The following CEMIP variants were observed in gnomAD, a reference collection of about 807,000 sequenced individuals.
The protein encoded by CEMIP is cell migration inducing hyaluronidase 1, also known as cell migration-inducing and hyaluronan-binding protein.
A neutral mutation model predicts 156.9 loss-of-function variants in CEMIP; 105 were observed. The observed-to-expected ratio is 0.67, with a 90% CI of 0.57 to 0.79. CEMIP has a LOEUF of 0.79. Ranked by LOEUF, CEMIP falls within the 30% of genes least tolerant of loss-of-function variation. CEMIP has a pLI of 0.00. For missense variants in CEMIP, 1,457 were observed against 1,769.4 expected (o/e 0.82, Z 3.17); for synonymous variants, 676 against 668.4 (o/e 1.01, Z -0.17).
intron 1 of CEMIP, among the ~76,000 whole-genome samples, chr15:80,845,810 TG>T (rs1897539752): frequency 6.6e-6 from 1 of 152,132 alleles, no homozygotes; most frequent in Admixed American, 6.6e-5. Flanking sequence ...CGGAGCTGGA[TG>T]GGATCAGAGA....
intron 12 of CEMIP, chr15:80,897,413 A>C: frequency 2.2e-6 from 1 of 450,916 alleles, no homozygotes; most frequent in Admixed American, 2.4e-5. Flanking sequence ...CTCATGGGGG[A>C]GGCGGACCTA....
intron 13 of CEMIP, among the ~76,000 whole-genome samples, chr15:80,908,161 G>C (rs1175875949): frequency 6.6e-6 from 1 of 152,198 alleles, no homozygotes; most frequent in East Asian, 1.9e-4. Flanking sequence ...ACTGTCCTCA[G>C]TTGAGAAACT....
At chr15:80,791,968 G>T (rs1354862005) in intron 1 of CEMIP, among the ~76,000 whole-genome samples, 3 of 152,158 alleles carry the variant, frequency 2.0e-5, no homozygotes, top group African/African-American at 7.2e-5. Context: ...CTGGTCTGCC[G>T]ATGCCCCCTG....
At position 80,880,912 on chromosome 15, in the gene CEMIP, T is replaced by C. The variant is rs1898630795; in HGVS notation, c.393T>C (p.Gly131=). The change falls in exon 6 of 30, where the codon GGT becomes GGC. Residue 131 remains glycine, a synonymous_variant. Transcript: ENST00000394685. ...TIILYGRADE[G]IQPDPYYGLK... ...TTTTCTCTTGCAGGGCTGATGAAGG[T>C]ATTCAGCCGGATCCTTACTATGGTC... 1 of 1,613,912 alleles carries C rather than the reference T, an allele frequency of 6.2e-7. No individual in the cohort carries two copies. Among genetic ancestry groups the C allele is most frequent in the Non-Finnish European group, 8.5e-7 (1 of 1,179,938 alleles).
intron 14 of CEMIP, among the ~76,000 whole-genome samples, chr15:80,917,675 G>T (rs956523737): frequency 2.0e-5 from 3 of 152,224 alleles, no homozygotes; most frequent in Non-Finnish European, 4.4e-5. Context: ...CAGAGAGCTT[G>T]CCTGGAACAG....
intron 1 of CEMIP, among the ~76,000 whole-genome samples, chr15:80,784,048 G>C (rs1020695904): frequency 6.6e-6 from 1 of 152,180 alleles, no homozygotes; most frequent in Non-Finnish European, 1.5e-5. Flanking sequence ...AAGCAGTCAG[G>C]CCTTCCTTGC....
Position 80,920,330 on chromosome 15 carries a change from G to C in CEMIP, c.2003+31G>C, listed in dbSNP as rs763458056. 7 of 1,590,772 alleles carry C rather than the reference G, an allele frequency of 4.4e-6. No individual in the cohort carries two copies. The African/African-American group carries it at 6.7e-5, about 15-fold the overall frequency. ...TGCCTGGACCCCTCTCTGTGTGCTG[G>C]GGGGAAGGGGTGTACATGTGTGTGC... On this transcript the variant is annotated intron_variant, in intron 15 of 29. Coordinates refer to ENST00000394685, the MANE Select transcript of CEMIP (RefSeq NM_001293298.2).
At chr15:80,806,584 C>T (rs2141615105) in intron 1 of CEMIP, among the ~76,000 whole-genome samples, 1 of 152,274 alleles carries the variant, frequency 6.6e-6, no homozygotes, top group Admixed American at 6.5e-5. Context: ...GTTTTACATA[C>T]CTAGCAGAGG....
chr15:80,872,809 G>T (rs1243112748), intron 1 of CEMIP, among the ~76,000 whole-genome samples: 1 of 152,152 alleles, frequency 6.6e-6, no homozygotes, highest in African/African-American at 2.4e-5. Flanking sequence ...GCAAGACTCT[G>T]TCTTAATAAA....
chr15:80,782,580 C>T (rs775080622), intron 1 of CEMIP, among the ~76,000 whole-genome samples: 23 of 152,172 alleles, frequency 1.5e-4, no homozygotes, highest in Non-Finnish European at 2.9e-4. Context: ...AGTACCCAGT[C>T]TTCCAGTTAG....
intron 1 of CEMIP, among the ~76,000 whole-genome samples, chr15:80,855,671 T>C (rs988357533): frequency 5.3e-5 from 8 of 152,126 alleles, no homozygotes; most frequent in African/African-American, 1.9e-4. Context: ...CATAGGCATA[T>C]GCCACCACAC....
rs993817617 is a variant in CEMIP, at chr15:80,906,798, G to T, written c.1547G>T (p.Cys516Phe). 6.2e-7 allele frequency: 1 copy of T among 1,614,154 alleles called. No individual in the cohort carries two copies. The highest frequency in any genetic ancestry group is 8.5e-7 in the Non-Finnish European group (1 of 1,180,024). The change falls in exon 13 of 30, where the codon TGC (cysteine) becomes TTC (phenylalanine). Residue 516 changes from cysteine (C) to phenylalanine (F), a missense_variant. By Grantham distance (205) the Cys-to-Phe change is radical (BLOSUM62 -2). Transcript: ENST00000394685. The surrounding 1 kb of genome is among the most constrained non-coding windows in gnomAD (Gnocchi z 4.3). ...DKCYPYRNHI[C>F]NFFDFDTFGG... ...TGCTACCCCTACAGAAACCACATCT[G>T]CAATTTCTTTGACTTCGATACCTTT...
chr15:80,854,712 G>T (rs563861162), intron 1 of CEMIP, among the ~76,000 whole-genome samples: 1 of 152,268 alleles, frequency 6.6e-6, no homozygotes, highest in South Asian at 2.1e-4. Flanking sequence ...ATACTTAATA[G>T]CCTTATAAGC....
At chr15:80,884,487 T>A (rs1416269360) in intron 7 of CEMIP, 133 bp downstream of exon 7, 2 of 902,630 alleles carry the variant, frequency 2.2e-6, no homozygotes, top group Non-Finnish European at 3.6e-6. Flanking sequence ...TGCAGGCATT[T>A]GCATTTGACA....
At chr15:80,795,427 C>T (rs1896197142) in intron 1 of CEMIP, among the ~76,000 whole-genome samples, 1 of 151,710 alleles carries the variant, frequency 6.6e-6, no homozygotes, top group Non-Finnish European at 1.5e-5. Context: ...GTGGATCCAG[C>T]TGGTGTTTAG....
chr15:80,804,118 G>A lies in CEMIP; in HGVS notation c.-176+24504G>A, dbSNP rs140017023. On this transcript the variant is annotated intron_variant, in intron 1 of 29. Transcript: ENST00000394685. ...TATTCACTTTCAAGAGAACAGCACC[G>A]GAAAGACCTGCCCCCATGATTCAGT... 3.9e-3 allele frequency among the ~76,000 whole-genome samples: 587 copies of A among 152,264 alleles called. 4 individuals are homozygous for A. Among genetic ancestry groups the A allele is most frequent in the African/African-American group, 0.013 (547 of 41,544 alleles).
At chr15:80,901,434 G>A (rs570025937) in intron 12 of CEMIP, among the ~76,000 whole-genome samples, 1 of 152,294 alleles carries the variant, frequency 6.6e-6, no homozygotes, top group African/African-American at 2.4e-5. Flanking sequence ...AGGCGTGGTG[G>A]CTTACGCTTG....
chr15:80,790,433 T>C lies in CEMIP; in HGVS notation c.-176+10819T>C, dbSNP rs527668522. On this transcript the variant is annotated intron_variant, in intron 1 of 29. Transcript: ENST00000394685. ...ATCAGCATCATTAATATTCAGTGCT[T>C]ATTGGGCAACTAAAACATTCAGACT... 4.1e-3 allele frequency among the ~76,000 whole-genome samples: 622 copies of C among 152,306 alleles called. 3 individuals are homozygous for C. Among genetic ancestry groups the C allele is most frequent in the African/African-American group, 0.014 (583 of 41,554 alleles).
At chr15:80,793,173 G>A (rs1236590910) in intron 1 of CEMIP, among the ~76,000 whole-genome samples, 1 of 152,212 alleles carries the variant, frequency 6.6e-6, no homozygotes, top group African/African-American at 2.4e-5. Context: ...TGGTGCAATA[G>A]TGAAATTTGA....
Sources: gnomAD v4.1 joint callset for allele counts (sites outside exome capture counted in the v4.1 genomes callset) on GRCh38, gnomAD v4.1.1 for gene constraint, Gnocchi (gnomAD v3.1) non-coding constraint, MANE v1.5 for transcripts, NCBI Gene and HGNC (gene_info 2026-07-23, HGNC 2026-07-21) for gene names.